The following MATK variants were observed in gnomAD, a reference collection of about 807,000 sequenced individuals.
The protein encoded by MATK is megakaryocyte-associated tyrosine kinase.
A neutral mutation model predicts 59.8 loss-of-function variants in MATK; 41 were observed. The ratio of observed to expected loss-of-function variants is 0.69; its 90% CI spans 0.53 to 0.89. The LOEUF (loss-of-function observed/expected upper bound fraction) is 0.89. Among genes scored for constraint, MATK ranks in the 40% least tolerant of loss-of-function variants. MATK has a pLI of 0.00. For synonymous variants in MATK, 308 were observed against 306.1 expected, an observed-to-expected ratio of 1.01 and a Z score of -0.06; for missense variants, 593 against 719.6, an observed-to-expected ratio of 0.82 and a Z score of 2.01.
rs747747049 is a variant in MATK, at chr19:3,778,399, G to A, written c.1308C>T (p.Ala436=). 10 of 1,612,332 alleles carry A rather than the reference G, an allele frequency of 6.2e-6. No homozygotes were observed. Among genetic ancestry groups the A allele is most frequent in the South Asian group, 1.1e-5 (1 of 91,058 alleles). The part of the protein sequence containing the change: ...PKMSLKEVSE[A]VEKGYRMEPP... The stretch of plus-strand genomic sequence containing the variant: ...GTTCCATGCGGTACCCCTTCTCCAC[G>A]GCCTCCGACACCTCTTTCAGTGACT... Residue 436 remains alanine, a synonymous_variant, in exon 14 of 14, where the codon GCC becomes GCT. Coordinates refer to ENST00000310132, the MANE Select transcript of MATK (RefSeq NM_139355.3).
intron 1 of MATK, among the ~76,000 whole-genome samples, chr19:3,792,005 G>C (rs2037547135): frequency 6.6e-6 from 1 of 151,934 alleles, no homozygotes; most frequent in African/African-American, 2.4e-5. Flanking sequence ...GTACTCAGGA[G>C]GCTGAGGTAG....
chr19:3,780,343 C>A (rs1055504551), intron 8 of MATK, among the ~76,000 whole-genome samples: 2 of 152,174 alleles, frequency 1.3e-5, no homozygotes, highest in Non-Finnish European at 2.9e-5. Flanking sequence ...TCTGTGAACC[C>A]CCACCCCCTC....
Position 3,784,854 on chromosome 19 carries a change from G to A in MATK, c.103C>T (p.Pro35Ser). 1 of 1,551,100 alleles carries A rather than the reference G, an allele frequency of 6.4e-7. No homozygotes were observed. The highest frequency in any genetic ancestry group is 8.7e-7 in the Non-Finnish European group (1 of 1,145,926). The change falls in exon 3 of 14, where the codon CCC becomes TCC. Residue 35 changes from proline to serine, a missense_variant. By Grantham distance (74) the Pro-to-Ser change is moderately conservative. Transcript: ENST00000310132. ...VSPRFLRAWH[P>S]PPVSARMPTR... ...GGCATCCTGGCTGAGACGGGAGGGG[G>A]GTGCCAGGCTCGGAGGAAGCGGGGG...
intron 1 of MATK, among the ~76,000 whole-genome samples, chr19:3,798,659 T>C (rs2037616332): frequency 6.7e-6 from 1 of 149,392 alleles, no homozygotes; most frequent in Non-Finnish European, 1.5e-5. Flanking sequence ...TACAGGCATG[T>C]GCCACCAAGC....
At chr19:3,793,217 C>CT (rs1316429388) in intron 1 of MATK, 1 of 152,212 alleles carries the variant, frequency 6.6e-6, no homozygotes, top group African/African-American at 2.4e-5. Flanking sequence ...GGTTGTTTTC[C>CT]AGCCACACTT....
At chr19:3,793,653 G>A (rs1231940130) in intron 1 of MATK, among the ~76,000 whole-genome samples, 1 of 151,448 alleles carries the variant, frequency 6.6e-6, no homozygotes, top group African/African-American at 2.4e-5. Flanking sequence ...ACTGAGCGGA[G>A]ATCACGCCAC....
At chr19:3,785,432 T>TC (rs112321940) in intron 1 of MATK, 146 bp from the exon 2 acceptor site, 204,831 of 449,484 alleles carry the variant, frequency 0.46, 45,920 homozygotes, top group South Asian at 0.58. Flanking sequence ...GCCTCTCTGA[T>TC]CCCCCCCCAA....
rs1303701784 is a variant in MATK at position 3,795,274 on chromosome 19, G to A, written c.-57-5870C>T. On this transcript the variant is annotated intron_variant, in intron 1 of 13. Coordinates refer to the MATK transcript ENST00000395045. The stretch of plus-strand genomic sequence containing the variant: ...TTATGGGCGTGAGCCACCAAGCCTG[G>A]CCTTTTTTTTTTTTTTGAGACAGAG... 6.5e-5 allele frequency among the ~76,000 whole-genome samples: 8 copies of A among 123,104 alleles called. 1 individual carries two copies. The East Asian group carries it at 2.2e-3, about 34-fold the overall frequency. 80.8% of individuals were successfully genotyped at this position (123,104 alleles called of 152,430 possible). A position where few individuals can be genotyped will look rare whatever the true frequency, so the allele number is the denominator to read the frequency against.
upstream of MATK, among the ~76,000 whole-genome samples, chr19:3,787,096 A>T (rs1426307389): frequency 6.6e-6 from 1 of 152,162 alleles, no homozygotes; most frequent in African/African-American, 2.4e-5. Flanking sequence ...CAAAACGCCC[A>T]ATCTGCTTTC....
chr19:3,779,503 G>T (rs776580818), intron 10 of MATK, 30 bp downstream of exon 10: 3 of 1,609,998 alleles, frequency 1.9e-6, no homozygotes, highest in Non-Finnish European at 1.7e-6. Flanking sequence ...CCGCTGCGTG[G>T]GCCCCCTCCC....
Position 3,784,000 on chromosome 19 carries a change from A to G in MATK, c.396T>C (p.Ala132=), listed in dbSNP as rs1412155491. The G allele has an allele frequency of 2.5e-5, 40 of 1,610,208 alleles. No individual in the cohort carries two copies. The highest frequency in any genetic ancestry group is 2.6e-5 in the Non-Finnish European group (31 of 1,178,426). The change falls in exon 6 of 14, where the codon GCT becomes GCC. Residue 132 remains alanine (A), a synonymous_variant. Coordinates refer to ENST00000310132, the MANE Select transcript of MATK (RefSeq NM_139355.3). ...WFHGKISGQE[A]VQQLQPPEDG... The stretch of plus-strand genomic sequence containing the variant: ...CCTCGGGAGGCTGCAGCTGCTGGAC[A>G]GCCTCCTGGCCCGAGATCTTCCCGT...
chr19:3,778,350 C>A lies in MATK; in HGVS notation c.1357G>T (p.Val453Leu). The change falls in exon 14 of 14, where the codon GTG (valine) becomes TTG (leucine). Residue 453 changes from valine (V) to leucine (L), a missense_variant. By Grantham distance (32) the Val-to-Leu change is conservative (BLOSUM62 1). Transcript: ENST00000310132. ...MEPPEGCPGPVHVLMSSCWEA... is the reference protein window; with the variant it reads ...MEPPEGCPGPLHVLMSSCWEA... ...CAGCAGCTGCTCATGAGGACGTGCA[C>A]GGGGCCTGGACAGCCCTCGGGGGGT... 6.3e-7 allele frequency: 1 copy of A among 1,590,382 alleles called. No individual in the cohort carries two copies. The highest frequency in any genetic ancestry group is 8.5e-7 in the Non-Finnish European group (1 of 1,170,422).
chr19:3,784,453 T>TGCAGAGGGGGCCGGGAGAGGG lies in MATK; in HGVS notation c.133-23_133-3dup. 6.3e-7 allele frequency: 1 copy of TGCAGAGGGGGCCGGGAGAGGG among 1,589,172 alleles called. No individual in the cohort carries two copies. The highest frequency in any genetic ancestry group is 1.9e-4 in the Middle Eastern group (1 of 5,320). On this transcript the variant is annotated splice_polypyrimidine_tract_variant and splice_region_variant and intron_variant, in intron 3 of 13. Coordinates refer to ENST00000310132, the MANE Select transcript of MATK (RefSeq NM_139355.3). ...CTGGGTGCCCGGGGCCCAGCGCCTC[T>TGCAGAGGGGGCCGGGAGAGGG]GCAGAGGGGGCCGGGAGAGGGGCAA...
intron 8 of MATK, among the ~76,000 whole-genome samples, chr19:3,781,076 G>A (rs983542949): frequency 2.6e-4 from 39 of 152,158 alleles, no homozygotes; most frequent in African/African-American, 9.4e-4. Context: ...AAAGATGAGT[G>A]CTGTTTCAGG....
intron 1 of MATK, among the ~76,000 whole-genome samples, chr19:3,798,813 G>GA (rs975966364): frequency 2.8e-5 from 4 of 144,048 alleles, no homozygotes; most frequent in African/African-American, 1.0e-4. Context: ...TGCCCGGCCT[G>GA]TTTTTTTTTT....
chr19:3,799,206 T>A (rs1250917768), intron 1 of MATK, among the ~76,000 whole-genome samples: 1 of 152,130 alleles, frequency 6.6e-6, no homozygotes, highest in South Asian at 2.1e-4. Context: ...ATGCATTTTC[T>A]TACTGAATTC....
chr19:3,789,628 G>A (rs1429311550), upstream of MATK, among the ~76,000 whole-genome samples: 4 of 152,118 alleles, frequency 2.6e-5, no homozygotes, highest in Non-Finnish European at 4.4e-5. Flanking sequence ...CTGACTCTAG[G>A]GGGATAGATT....
chr19:3,781,398 A>G (rs2037399703), intron 8 of MATK, among the ~76,000 whole-genome samples: 1 of 152,172 alleles, frequency 6.6e-6, no homozygotes, highest in Non-Finnish European at 1.5e-5. Context: ...ACGTTGACTG[A>G]GCGCCTGCTT....
upstream of MATK, among the ~76,000 whole-genome samples, chr19:3,791,099 G>A (rs1383871243): frequency 6.6e-6 from 1 of 152,164 alleles, no homozygotes; most frequent in African/African-American, 2.4e-5. Context: ...AGGGGGTTCT[G>A]CTGCTTACAA....
Sources: allele counts gnomAD v4.1 joint callset (sites outside exome capture counted in the v4.1 genomes callset), GRCh38; gene constraint gnomAD v4.1.1; transcripts MANE v1.5; gene names NCBI Gene and HGNC (gene_info 2026-07-23, HGNC 2026-07-21).